The following FRMD4B variants were observed in gnomAD, a reference collection of about 807,000 sequenced individuals.
FRMD4B encodes the protein FERM domain containing 4B.
Under a neutral mutation model 141.5 loss-of-function variants are expected in FRMD4B, and 74 were observed. The ratio of observed to expected loss-of-function variants is 0.52; its 90% CI spans 0.43 to 0.63. The LOEUF (loss-of-function observed/expected upper bound fraction) is 0.63. Among genes scored for constraint, FRMD4B ranks in the 30% least tolerant of loss-of-function variants. The pLI, the probability that FRMD4B is intolerant of heterozygous loss-of-function variation, is 0.00. For missense variants in FRMD4B, 1,366 were observed against 1,253.4 expected (o/e 1.09, Z -1.36); for synonymous variants, 506 against 467.9 (o/e 1.08, Z -1.05).
chr3:69,245,890 T>C (rs917803612), intron 7 of FRMD4B, among the ~76,000 whole-genome samples: 1 of 136,112 alleles, frequency 7.3e-6, no homozygotes, highest in African/African-American at 2.8e-5. Context: ...CAGGCTGGAG[T>C]GCAATGGTGT....
At chr3:69,349,345 C>T (rs1703055693) in intron 1 of FRMD4B, among the ~76,000 whole-genome samples, 1 of 152,184 alleles carries the variant, frequency 6.6e-6, no homozygotes, top group Non-Finnish European at 1.5e-5. Context: ...AATGGAAGAA[C>T]ATTCCATGCT....
intron 1 of FRMD4B, among the ~76,000 whole-genome samples, chr3:69,499,031 T>C (rs574162678): frequency 6.6e-6 from 1 of 152,112 alleles, no homozygotes; most frequent in African/African-American, 2.4e-5. Flanking sequence ...AGGATACTTG[T>C]TAATAAAAGT....
intron 1 of FRMD4B, among the ~76,000 whole-genome samples, chr3:69,502,213 T>C (rs371266001): frequency 6.0e-4 from 92 of 152,284 alleles, no homozygotes; most frequent in African/African-American, 2.1e-3. Flanking sequence ...AAAAAGAGCC[T>C]GCATTGCCAA....
In FRMD4B at chr3:69,322,979, G is replaced by T. The variant is rs72934880; in HGVS notation, c.163-9462C>A. Reference sequence around the variant, plus strand: ...GTGATAAAGTTGGGTAGAATCTCAGGTTCCATCAGTCGTACCAAAGTAGGA... The same window carrying T: ...GTGATAAAGTTGGGTAGAATCTCAGTTTCCATCAGTCGTACCAAAGTAGGA... On this transcript the variant is annotated intron_variant, in intron 1 of 22. Transcript: ENST00000398540. The T allele has an allele frequency of 9.3e-3, 8,668 of 929,182 alleles. 598 individuals are homozygous for T. In the African/African-American group the frequency reaches 0.14, roughly 15 times the overall value. 57.6% of individuals were successfully genotyped at this position (929,182 alleles called of 1,614,324 possible).
intron 1 of FRMD4B, among the ~76,000 whole-genome samples, chr3:69,519,541 C>T (rs1183916334): frequency 6.6e-6 from 1 of 152,140 alleles, no homozygotes; most frequent in Admixed American, 6.5e-5. Flanking sequence ...AGCCTGCTGG[C>T]TTTTTGGCTG....
At chr3:69,540,667 A>ACT (rs1701168076) in intron 1 of FRMD4B, among the ~76,000 whole-genome samples, 1 of 114,436 alleles carries the variant, frequency 8.7e-6, no homozygotes, top group Non-Finnish European at 1.8e-5. Flanking sequence ...ATATACACAC[A>ACT]CACACACACA....
intron 1 of FRMD4B, among the ~76,000 whole-genome samples, chr3:69,500,982 C>T (rs1706485982): frequency 6.6e-6 from 1 of 152,116 alleles, no homozygotes; most frequent in African/African-American, 2.4e-5. Context: ...AGAAGGCCAA[C>T]TTTGTATTTT....
At chr3:69,397,979 A>C (rs946958381) in intron 2 of FRMD4B, among the ~76,000 whole-genome samples, 7 of 152,212 alleles carry the variant, frequency 4.6e-5, no homozygotes, top group Non-Finnish European at 1.5e-5. Context: ...AGTGTGTAAT[A>C]CTTATATCTT....
intron 5 of FRMD4B, among the ~76,000 whole-genome samples, chr3:69,284,864 A>C (rs1700616752): frequency 6.6e-6 from 1 of 152,212 alleles, no homozygotes; most frequent in Admixed American, 6.6e-5. Flanking sequence ...AAACCTCTAA[A>C]GATAGAAACT....
At position 69,302,300 on chromosome 3, in the gene FRMD4B, CAG is replaced by C. The variant is rs747745623; in HGVS notation, c.416+41_416+42del. ...AAAACACACAAAAACCCAAAAATAA[CAG>C]CAAAAAAAGAGGGATGCTAACTGGG... On this transcript the variant is annotated intron_variant, in intron 4 of 22. Coordinates refer to ENST00000398540, the MANE Select transcript of FRMD4B (RefSeq NM_015123.3). 12 of 1,037,360 alleles carry C rather than the reference CAG, an allele frequency of 1.2e-5. No homozygotes were observed. In the African/African-American group the frequency reaches 1.7e-4, roughly 15 times the overall value. 64.3% of individuals were successfully genotyped at this position (1,037,360 alleles called of 1,614,324 possible).
chr3:69,538,316 T>C (rs1445724998), intron 1 of FRMD4B, among the ~76,000 whole-genome samples: 2 of 152,252 alleles, frequency 1.3e-5, no homozygotes, highest in Admixed American at 1.3e-4. Flanking sequence ...AAAATATATA[T>C]TGTATATATG....
chr3:69,432,647 G>GT (rs1273064086), exon 2 of FRMD4B: 5 of 152,096 alleles, frequency 3.3e-5, no homozygotes, highest in Non-Finnish European at 7.4e-5. Flanking sequence ...TAACTAGTAA[G>GT]TATTCTCTTG....
chr3:69,331,364 C>G (rs1206805721), intron 1 of FRMD4B, among the ~76,000 whole-genome samples: 2 of 152,072 alleles, frequency 1.3e-5, no homozygotes, highest in Non-Finnish European at 2.9e-5. Context: ...GGGAGCAGCC[C>G]CTGGGGAGTC....
chr3:69,363,379 C>G (rs1019779846), intron 1 of FRMD4B, among the ~76,000 whole-genome samples: 1 of 151,216 alleles, frequency 6.6e-6, no homozygotes, highest in Non-Finnish European at 1.5e-5. Flanking sequence ...GCCTCTGCAC[C>G]TGGCCTCCAT....
chr3:69,409,542 A>G (rs1223946322), intron 2 of FRMD4B, among the ~76,000 whole-genome samples: 1 of 152,132 alleles, frequency 6.6e-6, no homozygotes, highest in Non-Finnish European at 1.5e-5. Flanking sequence ...ATTCACCCTC[A>G]TTCTTCTAGC....
chr3:69,481,164 G>C (rs59176487), intron 1 of FRMD4B, among the ~76,000 whole-genome samples: 26,324 of 152,098 alleles, frequency 0.17, 2,612 homozygotes, highest in African/African-American at 0.27. Flanking sequence ...TGCACTTCCC[G>C]AGTGAGGTAA....
At chr3:69,385,688 G>A (rs1259797884) in intron 1 of FRMD4B, 140 bp downstream of exon 1, 2 of 660,008 alleles carry the variant, frequency 3.0e-6, no homozygotes, top group Non-Finnish European at 4.7e-6. Context: ...TAGAGCTGCT[G>A]AGCGTTTGAC....
At chr3:69,538,176 G>A (rs144224053) in intron 1 of FRMD4B, among the ~76,000 whole-genome samples, 4 of 152,262 alleles carry the variant, frequency 2.6e-5, no homozygotes, top group Non-Finnish European at 5.9e-5. Flanking sequence ...ACAGAGGAAA[G>A]AAGAAAAAGG....
At chr3:69,365,945 A>G (rs1703634775) in intron 1 of FRMD4B, among the ~76,000 whole-genome samples, 1 of 151,990 alleles carries the variant, frequency 6.6e-6, no homozygotes. Flanking sequence ...CAGGTCAAGC[A>G]TGGTGGCTTA....
Sources: allele counts gnomAD v4.1 joint callset (sites outside exome capture counted in the v4.1 genomes callset), GRCh38; gene constraint gnomAD v4.1.1; transcripts MANE v1.5; gene names NCBI Gene and HGNC (gene_info 2026-07-23, HGNC 2026-07-21).